KLRG2: variants seen among roughly 807,000 people sequenced by gnomAD.
The protein encoded by KLRG2 is killer cell lectin-like receptor subfamily G member 2.
A neutral mutation model predicts 35.4 loss-of-function variants in KLRG2; 39 were observed. That is an observed-to-expected ratio of 1.10 (90% confidence interval 0.85 to 1.44). The LOEUF (loss-of-function observed/expected upper bound fraction) is 1.44, where lower values mean the gene tolerates loss of function less well. KLRG2 is among the 40% of genes most tolerant of loss of function. The pLI is 0.00. For synonymous variants in KLRG2, 283 were observed against 265.8 expected (o/e 1.06, Z -0.63); for missense variants, 632 against 570.9 (o/e 1.11, Z -1.09).
At chr7:139,446,273 C>T in the KLRG2 span, among the ~76,000 whole-genome samples, 1 of 151,556 alleles carries the variant, frequency 6.6e-6, no homozygotes, top group Admixed American at 6.6e-5. Flanking sequence ...AATCAGGGTG[C>T]CAGCAGAGCC....
the KLRG2 span, among the ~76,000 whole-genome samples, chr7:139,443,382 T>G: frequency 6.6e-6 from 1 of 152,098 alleles, no homozygotes; most frequent in Non-Finnish European, 1.5e-5. Flanking sequence ...CACTGGCACC[T>G]GGCCAGGGAA....
At chr7:139,476,825 T>C (rs925809219) in intron 3 of KLRG2, among the ~76,000 whole-genome samples, 2 of 152,182 alleles carry the variant, frequency 1.3e-5, no homozygotes, top group Non-Finnish European at 2.9e-5. Flanking sequence ...TCCTGTCATT[T>C]ACTCTCGTAG....
At chr7:139,456,845 G>A (rs183397743) in intron 3 of KLRG2, among the ~76,000 whole-genome samples, 33 of 152,212 alleles carry the variant, frequency 2.2e-4, no homozygotes, top group Admixed American at 7.2e-4. Context: ...AACCTGGTGC[G>A]GGCCAGGAGC....
At chr7:139,435,473 G>A in the KLRG2 span, among the ~76,000 whole-genome samples, 12 of 152,154 alleles carry the variant, frequency 7.9e-5, no homozygotes, top group Non-Finnish European at 1.5e-4. Context: ...CTGGGTGACA[G>A]AGCGAGACTC....
In KLRG2 at chr7:139,453,073, T is replaced by G. The variant is rs1160866473; in HGVS notation, c.*514A>C. On this transcript the variant is annotated 3_prime_UTR_variant, in exon 5 of 5. Coordinates refer to ENST00000340940, the MANE Select transcript of KLRG2 (RefSeq NM_198508.4). ...TCTTTCCAGGGCTGACCGCTCCTTT[T>G]CCTTGGTTAATTTTCCAGAGGCTGC... The G allele has an allele frequency of 1.8e-5, 3 of 163,240 alleles. No homozygotes were observed. The highest frequency in any genetic ancestry group is 7.2e-5 in the African/African-American group (3 of 41,772). 10.1% of individuals were successfully genotyped at this position (163,240 alleles called of 1,614,324 possible).
At chr7:139,481,939 GAAAGA>G (rs1190633755) in intron 1 of KLRG2, among the ~76,000 whole-genome samples, 1 of 151,206 alleles carries the variant, frequency 6.6e-6, no homozygotes, top group Non-Finnish European at 1.5e-5. Context: ...AAAAAAAAAA[GAAAGA>G]AAAAAGAAAA....
chr7:139,472,180 C>A (rs1023749825), intron 3 of KLRG2, among the ~76,000 whole-genome samples: 4 of 152,126 alleles, frequency 2.6e-5, no homozygotes, highest in African/African-American at 9.7e-5. Context: ...AACAAAACGT[C>A]ATGCATGCAA....
chr7:139,430,960 C>T, the KLRG2 span, among the ~76,000 whole-genome samples: 5 of 146,134 alleles, frequency 3.4e-5, no homozygotes, highest in African/African-American at 1.0e-4. Context: ...AGCAGTGAGC[C>T]GAGATTGCAC....
At chr7:139,430,362 A>G in the KLRG2 span, among the ~76,000 whole-genome samples, 1 of 151,922 alleles carries the variant, frequency 6.6e-6, no homozygotes, top group Admixed American at 6.6e-5. Flanking sequence ...AGATTGAGCC[A>G]TTGCACTCCA....
In KLRG2 at chr7:139,483,353, C is replaced by G; in HGVS notation, c.290G>C (p.Gly97Ala). ...CCGGGGCAGCTTGACCAAGGCAGGG[C>G]CCGGTGACGGCGGCTCGGGGCAGAC... is the stretch of plus-strand genomic sequence containing the variant. ...YGVCPEPPSP[G>A]PALVKLPRNG... Residue 97 changes from glycine to alanine, a missense_variant, in exon 1 of 5, where the codon GGC becomes GCC. Gly to Ala is a moderately conservative substitution (Grantham distance 60). Transcript: ENST00000340940. 2.6e-6 allele frequency: 4 copies of G among 1,542,446 alleles called. No individual in the cohort carries two copies. The East Asian group carries it at 1.0e-4, about 39-fold the overall frequency.
chr7:139,429,730 GT>G, the KLRG2 span, among the ~76,000 whole-genome samples: 1 of 152,196 alleles, frequency 6.6e-6, no homozygotes, highest in Admixed American at 6.5e-5. Flanking sequence ...CAGAAGAATT[GT>G]TCTTAGTACA....
At chr7:139,445,757 A>G in the KLRG2 span, among the ~76,000 whole-genome samples, 2 of 132,104 alleles carry the variant, frequency 1.5e-5, no homozygotes, top group Non-Finnish European at 3.0e-5. Flanking sequence ...TAAATTATAT[A>G]TATGTGTATG....
chr7:139,466,411 A>C (rs915523774), intron 3 of KLRG2, among the ~76,000 whole-genome samples: 6 of 152,076 alleles, frequency 3.9e-5, no homozygotes, highest in Non-Finnish European at 5.9e-5. Flanking sequence ...TCACCCAAGC[A>C]GTTTCTCAGG....
chr7:139,474,014 CTTTTTTTT>C (rs751172556), intron 3 of KLRG2, among the ~76,000 whole-genome samples: 6 of 129,926 alleles, frequency 4.6e-5, no homozygotes, highest in African/African-American at 8.8e-5. Context: ...GTGGCTCAGA[CTTTTTTTT>C]TTTTTTTTTT....
intron 3 of KLRG2, among the ~76,000 whole-genome samples, chr7:139,470,404 G>A (rs959824390): frequency 6.6e-6 from 1 of 152,122 alleles, no homozygotes; most frequent in Non-Finnish European, 1.5e-5. Flanking sequence ...AAACCAGTAT[G>A]AGCCATGGTC....
Position 139,454,204 on chromosome 7 carries a change from C to G in KLRG2, c.1016G>C (p.Gly339Ala), listed in dbSNP as rs17160911. 205,229 of 1,517,600 alleles carry G rather than the reference C, an allele frequency of 0.14. 14,535 individuals carry two copies. Among genetic ancestry groups the G allele is most frequent in the African/African-American group, 0.19 (13,942 of 72,196 alleles). The allele number at this position is 1,517,600 out of a possible 1,614,324, so 94.0% of individuals were successfully genotyped here. ...GGAGTGCCTGGAGACTGGGTATCTG[C>G]CCAGGAAGTCCTGAGGGAGAAAAGT... ...PLLSHTQDFL[G>A]RYPVSRHSWV... Residue 339 changes from glycine (G) to alanine (A), a missense_variant, in exon 4 of 5, where the codon GGC (glycine) becomes GCC (alanine). Gly to Ala is a moderately conservative substitution (Grantham distance 60, BLOSUM62 0). Transcript: ENST00000340940.
chr7:139,468,199 A>ATCCCTTAG (rs1368133156), intron 3 of KLRG2, among the ~76,000 whole-genome samples: 1 of 152,064 alleles, frequency 6.6e-6, no homozygotes, highest in Non-Finnish European at 1.5e-5. Flanking sequence ...AGAATGATCA[A>ATCCCTTAG]TAAATACTAA....
Position 139,453,449 on chromosome 7 carries a change from G to A in KLRG2, c.*138C>T, listed in dbSNP as rs1189636101. On this transcript the variant is annotated 3_prime_UTR_variant, in exon 5 of 5. Transcript: ENST00000340940. Reference sequence around the variant, plus strand: ...GGGTTGAAGTCCAGCTCCTAGGCTCGCTCATGTGGCCCCCTTGAGCAGAGC... The same window carrying A: ...GGGTTGAAGTCCAGCTCCTAGGCTCACTCATGTGGCCCCCTTGAGCAGAGC... 3 of 852,598 alleles carry A rather than the reference G, an allele frequency of 3.5e-6. No individual in the cohort carries two copies. The highest frequency in any genetic ancestry group is 2.9e-5 in the Admixed American group (1 of 34,382). 52.8% of individuals were successfully genotyped at this position (852,598 alleles called of 1,614,324 possible).
In KLRG2 at chr7:139,453,014, T is replaced by G. The variant is rs1796397677; in HGVS notation, c.*573A>C. 6.5e-6 allele frequency: 1 copy of G among 153,756 alleles called. No individual in the cohort carries two copies. The highest frequency in any genetic ancestry group is 6.5e-5 in the Admixed American group (1 of 15,270). 9.5% of individuals were successfully genotyped at this position (153,756 alleles called of 1,614,324 possible). ...TCCTGTCTGCCAACCCTTTGCCAACTCTCAGGGTGGGGAAGGAAAACCTTG... is the reference window on the plus strand; with the variant it reads ...TCCTGTCTGCCAACCCTTTGCCAACGCTCAGGGTGGGGAAGGAAAACCTTG... On this transcript the variant is annotated 3_prime_UTR_variant, in exon 5 of 5. Transcript: ENST00000340940.
Sources: gnomAD v4.1 joint callset for allele counts (sites outside exome capture counted in the v4.1 genomes callset) on GRCh38, gnomAD v4.1.1 for gene constraint, MANE v1.5 for transcripts, NCBI Gene and HGNC (gene_info 2026-07-23, HGNC 2026-07-21) for gene names.